SDK1: variants seen among roughly 807,000 people sequenced by gnomAD.
SDK1 encodes protein sidekick-1.
SDK1 carries 157 observed loss-of-function variants against 245.5 expected under a neutral mutation model. That is an observed-to-expected ratio of 0.64 (90% CI 0.56 to 0.73). SDK1 has a LOEUF of 0.73. Ranked by LOEUF, SDK1 falls within the 30% of genes least tolerant of loss-of-function variation. The probability of loss-of-function intolerance (pLI) is 0.00; values close to 1 mark genes in which losing one functional copy is unlikely to be tolerated. For missense variants in SDK1, 3,583 were observed against 3,002.3 expected, an observed-to-expected ratio of 1.19 and a Z score of -4.52; for synonymous variants, 1,647 against 1,278.5, an observed-to-expected ratio of 1.29 and a Z score of -6.15.
intron 22 of SDK1, among the ~76,000 whole-genome samples, chr7:4,101,349 G>A (rs556588508): frequency 3.6e-4 from 55 of 152,182 alleles, no homozygotes; most frequent in African/African-American, 1.1e-3. Context: ...GAGTTTCACC[G>A]TGTTAGCCAG....
chr7:3,725,732 C>T (rs755726165), intron 4 of SDK1, among the ~76,000 whole-genome samples: 10 of 152,178 alleles, frequency 6.6e-5, no homozygotes, highest in Non-Finnish European at 1.2e-4. Flanking sequence ...GCCAAGACCA[C>T]TGGAGAGAAG....
chr7:4,129,811 G>C, intron 26 of SDK1, 97 bp from the exon 27 acceptor site: 2 of 1,562,200 alleles, frequency 1.3e-6, no homozygotes, highest in Admixed American at 1.8e-5. Context: ...AGCACAGTTG[G>C]CTGGGCCTTG....
At chr7:3,848,063 T>G (rs1463412082) in intron 5 of SDK1, among the ~76,000 whole-genome samples, 2 of 152,274 alleles carry the variant, frequency 1.3e-5, no homozygotes, top group African/African-American at 4.8e-5. Context: ...AAACCGTATT[T>G]GAAATGTGCT....
intron 5 of SDK1, among the ~76,000 whole-genome samples, chr7:3,894,990 A>G (rs954805355): frequency 2.0e-5 from 3 of 151,932 alleles, no homozygotes; most frequent in Non-Finnish European, 4.4e-5. Flanking sequence ...CAAGACTCTC[A>G]TTTCCTAACT....
At chr7:4,136,444 C>T (rs902888409) in intron 28 of SDK1, among the ~76,000 whole-genome samples, 5 of 152,184 alleles carry the variant, frequency 3.3e-5, no homozygotes, top group African/African-American at 9.7e-5. Flanking sequence ...ACACCTCTGC[C>T]GCCCGAGCTT....
At chr7:3,818,926 G>T (rs746215503) in intron 4 of SDK1, among the ~76,000 whole-genome samples, 1 of 152,192 alleles carries the variant, frequency 6.6e-6, no homozygotes, top group South Asian at 2.1e-4. Flanking sequence ...TGGCTGGATT[G>T]CAGGGGGAAG....
chr7:3,369,772 T>C (rs750131766), intron 1 of SDK1, among the ~76,000 whole-genome samples: 4 of 152,226 alleles, frequency 2.6e-5, no homozygotes, highest in African/African-American at 9.6e-5. Flanking sequence ...TGCTTTTCTT[T>C]AGTAATGAAA....
chr7:4,080,810 A>C (rs1230723701), intron 22 of SDK1, among the ~76,000 whole-genome samples: 1 of 152,184 alleles, frequency 6.6e-6, no homozygotes. Context: ...ATACATATGT[A>C]ACAAACCTGC....
At chr7:3,658,786 T>C (rs1055281091) in intron 4 of SDK1, among the ~76,000 whole-genome samples, 1 of 152,016 alleles carries the variant, frequency 6.6e-6, no homozygotes, top group East Asian at 1.9e-4. Flanking sequence ...GACTAATGTT[T>C]TTTGTATTTT....
intron 13 of SDK1, among the ~76,000 whole-genome samples, chr7:3,982,812 C>T (rs891413332): frequency 1.7e-4 from 26 of 149,486 alleles, no homozygotes; most frequent in African/African-American, 2.2e-4. Context: ...TGCACTCCAG[C>T]GTGGGCGACA....
intron 1 of SDK1, among the ~76,000 whole-genome samples, chr7:3,576,015 C>A: frequency 6.6e-6 from 1 of 151,914 alleles, no homozygotes; most frequent in Admixed American, 6.6e-5. Flanking sequence ...TTTACCTGGA[C>A]TATGTTCAAA....
chr7:3,306,590 C>T (rs969987889), intron 1 of SDK1, among the ~76,000 whole-genome samples: 4 of 152,130 alleles, frequency 2.6e-5, no homozygotes, highest in Non-Finnish European at 5.9e-5. Flanking sequence ...GGGGTTTATA[C>T]CTAACCAGAA....
Position 3,790,419 on chromosome 7 carries a change from A to C in SDK1, c.714-31031A>C, listed in dbSNP as rs113265258. On this transcript the variant is annotated intron_variant, in intron 4 of 44. Coordinates refer to ENST00000404826, the MANE Select transcript of SDK1 (RefSeq NM_152744.4). ...AGCTGGCAAAGGGGCCTGCAAAACCAGTCTGCAGAGAATAGTGTGGAAAGG... is the reference window on the plus strand; with the variant it reads ...AGCTGGCAAAGGGGCCTGCAAAACCCGTCTGCAGAGAATAGTGTGGAAAGG... Among the ~76,000 whole-genome samples the C allele has an allele frequency of 7.8e-4, 119 of 152,268 alleles. 1 individual carries two copies. Among genetic ancestry groups the C allele is most frequent in the African/African-American group, 2.8e-3 (115 of 41,558 alleles).
intron 1 of SDK1, among the ~76,000 whole-genome samples, chr7:3,581,265 C>T: frequency 6.6e-6 from 1 of 151,998 alleles, no homozygotes; most frequent in Non-Finnish European, 1.5e-5. Context: ...CAAAAAAAAC[C>T]TATTAATCGA....
intron 4 of SDK1, among the ~76,000 whole-genome samples, chr7:3,781,546 A>G (rs1780738296): frequency 6.6e-6 from 1 of 152,196 alleles, no homozygotes; most frequent in Non-Finnish European, 1.5e-5. Context: ...TGCAAAGAAA[A>G]CTAATAAAGC....
intron 1 of SDK1, among the ~76,000 whole-genome samples, chr7:3,517,664 A>C (rs1247036395): frequency 6.6e-6 from 1 of 152,118 alleles, no homozygotes; most frequent in African/African-American, 2.4e-5. Flanking sequence ...CAGGTTGTCC[A>C]TGTTGATGCC....
intron 5 of SDK1, among the ~76,000 whole-genome samples, chr7:3,849,922 T>C (rs1393499251): frequency 6.6e-6 from 1 of 152,206 alleles, no homozygotes; most frequent in Non-Finnish European, 1.5e-5. Context: ...AATATTAGCT[T>C]GGCTGGAGAG....
At chr7:4,170,704 A>G (rs1781786368) in intron 32 of SDK1, among the ~76,000 whole-genome samples, 1 of 152,144 alleles carries the variant, frequency 6.6e-6, no homozygotes, top group Non-Finnish European at 1.5e-5. Flanking sequence ...TCTGAATGTG[A>G]TTCTATAGAC....
intron 5 of SDK1, among the ~76,000 whole-genome samples, chr7:3,879,474 C>T (rs920676646): frequency 6.6e-6 from 1 of 152,088 alleles, no homozygotes; most frequent in Admixed American, 6.5e-5. Flanking sequence ...AGGCAGAGAC[C>T]GCAGCACCCT....
Sources: gnomAD v4.1 joint callset for allele counts (sites outside exome capture counted in the v4.1 genomes callset) on GRCh38, gnomAD v4.1.1 for gene constraint, MANE v1.5 for transcripts, NCBI Gene and HGNC (gene_info 2026-07-23, HGNC 2026-07-21) for gene names.